Variants in C4orf17 observed in about 807,000 individuals in gnomAD.
C4orf17 encodes the protein uncharacterized protein C4orf17.
In C4orf17, 25 loss-of-function variants were observed where a neutral mutation model predicts 32.0. That is an observed-to-expected ratio of 0.78 (90% confidence interval 0.57 to 1.09). The LOEUF (loss-of-function observed/expected upper bound fraction) is 1.09. Ranked by LOEUF, C4orf17 falls within the 50% of genes least tolerant of loss-of-function variation. The pLI is 0.00. For missense variants in C4orf17, 420 were observed against 420.0 expected (o/e 1.00, Z 0.00); for synonymous variants, 149 against 145.8 (o/e 1.02, Z -0.16).
At chr4:99,537,956 C>T (rs544837289) in intron 6 of C4orf17, among the ~76,000 whole-genome samples, 64 of 152,280 alleles carry the variant, frequency 4.2e-4, no homozygotes, top group African/African-American at 1.5e-3. Context: ...AAATTCAGTA[C>T]GCTTTAAATT....
chr4:99,516,279 T>C (rs72906764), intron 2 of C4orf17, among the ~76,000 whole-genome samples: 6,430 of 152,232 alleles, frequency 0.042, 449 homozygotes, highest in African/African-American at 0.15. Context: ...AATTCAGTGG[T>C]ATACATACTG....
At chr4:99,512,853 T>A (rs1723116478) in intron 1 of C4orf17, 136 bp from the exon 2 acceptor site, 3 of 462,988 alleles carry the variant, frequency 6.5e-6, no homozygotes, top group Non-Finnish European at 1.2e-5. Flanking sequence ...AAAAATTTGG[T>A]CTGAAAACAA....
At chr4:99,534,602 G>A (rs774418489) in intron 5 of C4orf17, among the ~76,000 whole-genome samples, 5 of 152,084 alleles carry the variant, frequency 3.3e-5, no homozygotes, top group South Asian at 4.1e-4. Context: ...CACCAACAGT[G>A]TAAAATTGTT....
chr4:99,529,751 G>A, intron 4 of C4orf17, 64 bp from the exon 5 acceptor site: 3 of 1,335,232 alleles, frequency 2.2e-6, no homozygotes, highest in Non-Finnish European at 3.0e-6. Flanking sequence ...ATTTTACATT[G>A]AATTTTCATA....
In C4orf17 at chr4:99,542,271, A is replaced by G. The variant is rs952289557; in HGVS notation, c.*162A>G. On this transcript the variant is annotated 3_prime_UTR_variant, in exon 9 of 9. Transcript: ENST00000326581. ...CCTGTATGTAATGCTACAAATAAATATTACTGGAAATGATATTTCCATTTG... is the reference window on the plus strand; with the variant it reads ...CCTGTATGTAATGCTACAAATAAATGTTACTGGAAATGATATTTCCATTTG... The G allele has an allele frequency of 1.2e-5, 8 of 642,126 alleles. No individual in the cohort carries two copies. The African/African-American group carries it at 1.5e-4, about 12-fold the overall frequency. The allele number at this position is 642,126 out of a possible 1,614,324, so 39.8% of individuals were successfully genotyped here. A position where few individuals can be genotyped will look rare whatever the true frequency, so the allele number is the denominator to read the frequency against.
At chr4:99,524,125 G>C (rs7680508) in intron 3 of C4orf17, among the ~76,000 whole-genome samples, 1 of 151,334 alleles carries the variant, frequency 6.6e-6, no homozygotes, top group Non-Finnish European at 1.5e-5. Context: ...GACTACAGGC[G>C]CCCGCCACCA....
intron 2 of C4orf17, among the ~76,000 whole-genome samples, chr4:99,515,238 C>A (rs1578186021): frequency 6.6e-6 from 1 of 152,130 alleles, no homozygotes; most frequent in African/African-American, 2.4e-5. Flanking sequence ...TATAAAGACA[C>A]CTGCACCTGT....
rs147606815 is a variant in C4orf17, at chr4:99,512,921, G to T, written c.-93-68G>T. On this transcript the variant is annotated intron_variant, in intron 1 of 8. Transcript: ENST00000326581. Reference sequence around the variant, plus strand: ...ATTTAGTTCAAGCAAAGAAGATGGAGAAATGTTTGATATATAAGAAAGTGA... The same window carrying T: ...ATTTAGTTCAAGCAAAGAAGATGGATAAATGTTTGATATATAAGAAAGTGA... The T allele has an allele frequency of 1.0e-4, 69 of 676,576 alleles. No homozygotes were observed. The African/African-American group carries it at 1.2e-3, about 12-fold the overall frequency. The allele number at this position is 676,576 out of a possible 1,614,324, so 41.9% of individuals were successfully genotyped here. A position where few individuals can be genotyped will look rare whatever the true frequency, so the allele number is the denominator to read the frequency against.
intron 2 of C4orf17, among the ~76,000 whole-genome samples, chr4:99,520,215 G>A (rs899844784): frequency 6.6e-5 from 10 of 151,048 alleles, no homozygotes; most frequent in Admixed American, 1.3e-4. Context: ...TTAGTCTCCC[G>A]AGTAGCTGGA....
intron 7 of C4orf17, 49 bp downstream of exon 7, chr4:99,539,419 G>C (rs1362205990): frequency 1.4e-6 from 2 of 1,409,524 alleles, no homozygotes; most frequent in South Asian, 2.3e-5. Context: ...GGCACATGAA[G>C]ACTTTGAATT....
intron 7 of C4orf17, among the ~76,000 whole-genome samples, chr4:99,540,011 C>A (rs1336291427): frequency 1.3e-5 from 2 of 151,944 alleles, no homozygotes; most frequent in Non-Finnish European, 2.9e-5. Flanking sequence ...GAGAGAAAAT[C>A]TTGTTGCTTT....
At chr4:99,526,843 C>T (rs1356718139) in intron 4 of C4orf17, among the ~76,000 whole-genome samples, 1 of 151,788 alleles carries the variant, frequency 6.6e-6, no homozygotes, top group African/African-American at 2.4e-5. Context: ...CTGATTTTGG[C>T]AATTCGTGTC....
At chr4:99,531,186 G>A (rs1723471868) in intron 5 of C4orf17, among the ~76,000 whole-genome samples, 1 of 150,972 alleles carries the variant, frequency 6.6e-6, no homozygotes, top group Admixed American at 6.6e-5. Flanking sequence ...TCAATATTTT[G>A]TCTCTCTCCT....
At chr4:99,524,736 T>A in intron 4 of C4orf17, 151 bp downstream of exon 4, 1 of 534,998 alleles carries the variant, frequency 1.9e-6, no homozygotes, top group Non-Finnish European at 3.3e-6. Flanking sequence ...GATACACATA[T>A]TCAAAATGCA....
rs1333179749 is a variant in C4orf17, at chr4:99,518,574, G to C, written c.128-3926G>C. 2.4e-3 allele frequency among the ~76,000 whole-genome samples: 299 copies of C among 125,652 alleles called. 11 individuals carry two copies. The highest frequency in any genetic ancestry group is 0.01 in the African/African-American group (283 of 27,222). 82.4% of individuals were successfully genotyped at this position (125,652 alleles called of 152,430 possible). A position where few individuals can be genotyped will look rare whatever the true frequency, so the allele number is the denominator to read the frequency against. On this transcript the variant is annotated intron_variant, in intron 2 of 8. Transcript: ENST00000326581. ...AGAGAGAGAGAGAGAGAGAGAGAGA[G>C]AGAGAGAGAGGGAGGGAGACAGAGA...
intron 4 of C4orf17, among the ~76,000 whole-genome samples, chr4:99,526,459 T>C (rs1329125694): frequency 1.3e-5 from 2 of 152,170 alleles, no homozygotes; most frequent in African/African-American, 4.8e-5. Context: ...AGTCTTTTTG[T>C]GGTTTTAATA....
At chr4:99,522,195 G>A (rs1005612941) in intron 2 of C4orf17, among the ~76,000 whole-genome samples, 1 of 151,998 alleles carries the variant, frequency 6.6e-6, no homozygotes, top group Non-Finnish European at 1.5e-5. Context: ...ATTTGTCTGG[G>A]ATAGAAGGTC....
chr4:99,538,949 TA>T (rs774158220), intron 6 of C4orf17, among the ~76,000 whole-genome samples: 66 of 152,320 alleles, frequency 4.3e-4, no homozygotes, highest in Non-Finnish European at 7.4e-4. Context: ...CTCAGTGAGT[TA>T]ACTACTCTGG....
In C4orf17 at chr4:99,529,813, A is replaced by G. The variant is rs769958125; in HGVS notation, c.403-2A>G. Reference sequence around the variant, plus strand: ...ATTGGTTATATTATACTTTTGATTTAGGAAGAAATTAAGGCCAAAAGACCA... The same window carrying G: ...ATTGGTTATATTATACTTTTGATTTGGGAAGAAATTAAGGCCAAAAGACCA... On this transcript the variant is annotated splice_acceptor_variant, in intron 4 of 8. Transcript: ENST00000326581. LOFTEE classifies it high-confidence loss of function. 76 of 1,602,026 alleles carry G rather than the reference A, an allele frequency of 4.7e-5. No homozygotes were observed. Among genetic ancestry groups the G allele is most frequent in the Non-Finnish European group, 6.2e-5 (73 of 1,175,720 alleles).
Sources: allele counts gnomAD v4.1 joint callset (sites outside exome capture counted in the v4.1 genomes callset), GRCh38; gene constraint gnomAD v4.1.1; transcripts MANE v1.5; gene names NCBI Gene and HGNC (gene_info 2026-07-23, HGNC 2026-07-21).